WIPF1: variants seen among roughly 807,000 people sequenced by gnomAD.
WIPF1 encodes WAS/WASL-interacting protein family member 1.
A neutral mutation model predicts 35.4 loss-of-function variants in WIPF1; 13 were observed. The ratio of observed to expected loss-of-function variants is 0.37; its 90% confidence interval spans 0.24 to 0.58. The LOEUF (loss-of-function observed/expected upper bound fraction) is 0.58. Ranked by LOEUF, WIPF1 falls within the 20% of genes least tolerant of loss-of-function variation. The pLI is 0.74. For synonymous variants in WIPF1, 267 were observed against 266.3 expected (o/e 1.00, Z -0.02); for missense variants, 591 against 667.0 (o/e 0.89, Z 1.25).
chr2:174,573,523 A>C (rs6755710), intron 4 of WIPF1, among the ~76,000 whole-genome samples: 121,825 of 152,208 alleles, frequency 0.8, 50,072 homozygotes, highest in East Asian at 0.96. Flanking sequence ...GAGTGCTTGG[A>C]GAGGCCAGGG....
chr2:174,598,392 G>A (rs986701841), upstream of WIPF1, among the ~76,000 whole-genome samples: 2 of 152,034 alleles, frequency 1.3e-5, no homozygotes, highest in African/African-American at 4.8e-5. Context: ...GCTCCCTGTG[G>A]CCCTGACCTC....
chr2:174,637,556 G>A (rs1472345308), intron 1 of WIPF1, among the ~76,000 whole-genome samples: 1 of 152,230 alleles, frequency 6.6e-6, no homozygotes, highest in East Asian at 1.9e-4. Context: ...GGGAGGCCTA[G>A]GCGGGTGGAT....
chr2:174,679,872 C>G (rs1221470598), intron 1 of WIPF1, among the ~76,000 whole-genome samples: 1 of 152,182 alleles, frequency 6.6e-6, no homozygotes, highest in Non-Finnish European at 1.5e-5. Context: ...AAAGTTAGAG[C>G]TGAGTGAGGA....
At chr2:174,576,954 GGAGA>G (rs529479328) in intron 3 of WIPF1, among the ~76,000 whole-genome samples, 451 of 152,230 alleles carry the variant, frequency 3.0e-3, no homozygotes, top group African/African-American at 0.01. Flanking sequence ...AATTAATCTG[GGAGA>G]ACTGATACTT....
chr2:174,582,678 C>T (rs1452417774), intron 2 of WIPF1, among the ~76,000 whole-genome samples: 1 of 151,024 alleles, frequency 6.6e-6, no homozygotes, highest in Non-Finnish European at 1.5e-5. Context: ...CTGCCTCAGC[C>T]TCCTGAGTAG....
intron 1 of WIPF1, among the ~76,000 whole-genome samples, chr2:174,594,293 G>A (rs1430181): frequency 6.6e-6 from 1 of 152,182 alleles, no homozygotes; most frequent in Non-Finnish European, 1.5e-5. Context: ...GAAGCATCTC[G>A]AACATCACTA....
chr2:174,661,435 T>C (rs978617329), intron 1 of WIPF1, among the ~76,000 whole-genome samples: 2 of 152,154 alleles, frequency 1.3e-5, no homozygotes, highest in Non-Finnish European at 2.9e-5. Flanking sequence ...ACTTGTCCAG[T>C]GTACTCTCCT....
rs191609029 is a variant in WIPF1 at position 174,588,374 on chromosome 2, T to C, written c.-38-2763A>G. Among the ~76,000 whole-genome samples the C allele has an allele frequency of 2.6e-5, 4 of 152,314 alleles. No individual in the cohort carries two copies. In the East Asian group the frequency reaches 7.7e-4, roughly 29 times the overall value. On this transcript the variant is annotated intron_variant, in intron 1 of 7. Transcript: ENST00000679041. ...AATATCTAGGAAAGGGTGGATATTCTGGTCAACTAACAGGAACCTCTTATG... is the reference window on the plus strand; with the variant it reads ...AATATCTAGGAAAGGGTGGATATTCCGGTCAACTAACAGGAACCTCTTATG...
intron 1 of WIPF1, among the ~76,000 whole-genome samples, chr2:174,672,322 G>T (rs1269890914): frequency 6.6e-6 from 1 of 152,144 alleles, no homozygotes; most frequent in African/African-American, 2.4e-5. Context: ...AATAAAATCT[G>T]CCCAGTGTAC....
At chr2:174,566,245 C>T (rs2105792578) in intron 7 of WIPF1, 1 of 152,260 alleles carries the variant, frequency 6.6e-6, no homozygotes, top group East Asian at 1.9e-4. Context: ...CCTGGAAAGC[C>T]TGCTAGACAA....
intron 1 of WIPF1, among the ~76,000 whole-genome samples, chr2:174,595,102 AAAAAAAAAT>A (rs1685755294): frequency 4.5e-5 from 2 of 44,162 alleles, no homozygotes; most frequent in South Asian, 9.2e-4. Flanking sequence ...AAAAAAAAAA[AAAAAAAAAT>A]ATATATATAT....
At chr2:174,675,687 G>A (rs962627208) in intron 1 of WIPF1, among the ~76,000 whole-genome samples, 8 of 152,112 alleles carry the variant, frequency 5.3e-5, no homozygotes, top group African/African-American at 1.7e-4. Flanking sequence ...GAGTGATAAA[G>A]AGTCATATTT....
intron 1 of WIPF1, among the ~76,000 whole-genome samples, chr2:174,591,888 C>G (rs764893837): frequency 5.9e-5 from 9 of 152,172 alleles, no homozygotes; most frequent in Non-Finnish European, 1.0e-4. Flanking sequence ...GTTAAACATG[C>G]AATGTTCGCT....
At chr2:174,570,527 C>CCATG (rs1684795148) in intron 5 of WIPF1, 1 of 152,128 alleles carries the variant, frequency 6.6e-6, no homozygotes, top group Admixed American at 6.5e-5. Flanking sequence ...TTTGGTAGGG[C>CCATG]CATGGCACAA....
At chr2:174,672,432 C>T (rs928042236) in intron 1 of WIPF1, among the ~76,000 whole-genome samples, 1 of 152,230 alleles carries the variant, frequency 6.6e-6, no homozygotes, top group Non-Finnish European at 1.5e-5. Flanking sequence ...AATATTCCTT[C>T]TTTAGCAAGT....
At chr2:174,630,157 ACT>A (rs543770255) in intron 1 of WIPF1, among the ~76,000 whole-genome samples, 217 of 152,270 alleles carry the variant, frequency 1.4e-3, no homozygotes, top group Middle Eastern at 0.014. Context: ...ATAACAAATG[ACT>A]CTGTTTTTAA....
intron 3 of WIPF1, among the ~76,000 whole-genome samples, chr2:174,580,884 G>A (rs1247628607): frequency 6.6e-6 from 1 of 152,194 alleles, no homozygotes; most frequent in Non-Finnish European, 1.5e-5. Context: ...AATAGAACAT[G>A]TATTATCATC....
At chr2:174,616,567 T>C (rs184201768) in intron 1 of WIPF1, among the ~76,000 whole-genome samples, 1 of 152,300 alleles carries the variant, frequency 6.6e-6, no homozygotes, top group East Asian at 1.9e-4. Flanking sequence ...CACTTGTTTG[T>C]CAAGCTTGGG....
intron 7 of WIPF1, among the ~76,000 whole-genome samples, chr2:174,563,831 T>C (rs1251789293): frequency 1.3e-5 from 2 of 152,190 alleles, no homozygotes; most frequent in African/African-American, 4.8e-5. Flanking sequence ...GGCATCTTGA[T>C]AGGGACCCTA....
Sources: gnomAD v4.1 joint callset for allele counts (sites outside exome capture counted in the v4.1 genomes callset) on GRCh38, gnomAD v4.1.1 for gene constraint, MANE v1.5 for transcripts, NCBI Gene and HGNC (gene_info 2026-07-23, HGNC 2026-07-21) for gene names.